Variants in AFDN observed in about 807,000 individuals in gnomAD.
AFDN encodes the protein afadin, adherens junction formation factor, also known as afadin.
Under a neutral mutation model 216.6 loss-of-function variants are expected in AFDN, and 68 were observed. That is an observed-to-expected ratio of 0.31 (90% CI 0.26 to 0.38). The LOEUF (loss-of-function observed/expected upper bound fraction) is 0.38, where lower values mean the gene tolerates loss of function less well. Ranked by LOEUF, AFDN falls within the 10% of genes least tolerant of loss-of-function variation. The pLI is 1.00. For missense variants in AFDN, 2,136 were observed against 2,342.0 expected (o/e 0.91, Z 1.82); for synonymous variants, 868 against 853.7 (o/e 1.02, Z -0.29).
At chr6:167,932,702 T>C (rs1226099589) in intron 23 of AFDN, 2 of 152,150 alleles carry the variant, frequency 1.3e-5, no homozygotes, top group Non-Finnish European at 2.9e-5. Flanking sequence ...GTTCATGAAG[T>C]TGTTGTGGTC....
intron 1 of AFDN, among the ~76,000 whole-genome samples, chr6:167,839,296 G>A (rs750246688): frequency 3.4e-4 from 51 of 151,784 alleles, no homozygotes; most frequent in Admixed American, 7.2e-4. Context: ...CAAACGTTTC[G>A]GAAATAGTTA....
chr6:167,827,483 G>A (rs1256450633), intron 1 of AFDN, among the ~76,000 whole-genome samples: 2 of 145,836 alleles, frequency 1.4e-5, no homozygotes, highest in African/African-American at 4.9e-5. Flanking sequence ...GGGCGCGGCA[G>A]TCACCTGTTC....
Position 167,951,941 on chromosome 6 carries a change from G to A in AFDN, c.4587G>A (p.Glu1529=). 1 of 1,614,158 alleles carries A rather than the reference G, an allele frequency of 6.2e-7. No individual in the cohort carries two copies. The change falls in exon 30 of 34, where the codon GAG becomes GAA. Residue 1529 remains glutamate, a synonymous_variant. Coordinates refer to ENST00000683244, the MANE Select transcript of AFDN (RefSeq NM_001386888.1). This position sits in a 1 kb window ranked among gnomAD's most constrained non-coding sequence, Gnocchi z 7.1. ...SPDPWKRDAK[E]KLEKQQQMHI... Reference sequence around the variant, plus strand: ...ACCCGTGGAAGCGGGACGCCAAGGAGAAGCTGGAGAAGCAGCAGCAGATGC... The same window carrying A: ...ACCCGTGGAAGCGGGACGCCAAGGAAAAGCTGGAGAAGCAGCAGCAGATGC...
At chr6:167,892,236 T>G (rs1787703479) in intron 8 of AFDN, among the ~76,000 whole-genome samples, 1 of 152,184 alleles carries the variant, frequency 6.6e-6, no homozygotes, top group African/African-American at 2.4e-5. Context: ...ATATTGGTGT[T>G]GCTAACCTCA....
chr6:167,951,609 AGAG>A lies in AFDN; in HGVS notation c.4256_4258del (p.Arg1419_Glu1420delinsLys). ...GGTGGCTGCTGCTGAACGGAGAAAG[AGAG>A]AAGAACATCAGCGTTGGTATGAGAA... is the stretch of plus-strand genomic sequence containing the variant. On this transcript the variant is annotated inframe_deletion, in exon 30 of 34. Coordinates refer to ENST00000683244, the MANE Select transcript of AFDN (RefSeq NM_001386888.1). This position sits in a 1 kb window ranked among gnomAD's most constrained non-coding sequence, Gnocchi z 7.1. 6.2e-7 allele frequency: 1 copy of A among 1,614,082 alleles called. No homozygotes were observed. Among genetic ancestry groups the A allele is most frequent in the Non-Finnish European group, 8.5e-7 (1 of 1,180,012 alleles).
rs753711058 is a variant in AFDN, at chr6:167,966,011, T to TGAG, written c.5241_5243dup (p.Glu1747dup). 2.0e-4 allele frequency: 311 copies of TGAG among 1,546,424 alleles called. No individual in the cohort carries two copies. The highest frequency in any genetic ancestry group is 6.1e-4 in the Admixed American group (31 of 50,818). On this transcript the variant is annotated inframe_insertion, in exon 32 of 34. Transcript: ENST00000683244. ...TCACTGCCAAGTTTGTTGCATACAA[T>TGAG]GAGGAGGAGGAGGAGGAGGACTGCA...
chr6:167,911,758 T>G (rs1397076214), intron 15 of AFDN: 1 of 428,150 alleles, frequency 2.3e-6, no homozygotes, highest in African/African-American at 2.0e-5. Context: ...TGTTGTGGGC[T>G]TTTGTAGAAT....
At chr6:167,849,891 G>T (rs748541829) in intron 1 of AFDN, among the ~76,000 whole-genome samples, 6 of 152,166 alleles carry the variant, frequency 3.9e-5, no homozygotes, top group African/African-American at 1.4e-4. Context: ...GGTTCCTTTT[G>T]TAAGTTACTA....
At chr6:167,884,523 TA>T (rs1358528324) in intron 6 of AFDN, among the ~76,000 whole-genome samples, 1 of 152,218 alleles carries the variant, frequency 6.6e-6, no homozygotes. Flanking sequence ...GTTAATCTTG[TA>T]CCTCTCCACC....
intron 12 of AFDN, among the ~76,000 whole-genome samples, chr6:167,906,044 A>G (rs138852026): frequency 0.01 from 1,544 of 152,286 alleles, 30 homozygotes; most frequent in African/African-American, 0.036. Context: ...CGGAGCTTGC[A>G]GTGAGCTGAG....
Position 167,851,386 on chromosome 6 carries a change from C to T in AFDN, c.106-13165C>T, listed in dbSNP as rs188837164. ...TTATTTTATCAACCAGGTATTAAGC[C>T]TAGTATCCATTAGATATTTTTTTCT... On this transcript the variant is annotated intron_variant, in intron 1 of 33. Transcript: ENST00000683244. 5.3e-4 allele frequency among the ~76,000 whole-genome samples: 80 copies of T among 152,222 alleles called. No individual in the cohort carries two copies. In the East Asian group the frequency reaches 0.014, roughly 27 times the overall value.
Position 167,918,786 on chromosome 6 carries a change from G to A in AFDN, c.2761G>A (p.Ala921Thr), listed in dbSNP as rs1268703042. Residue 921 changes from alanine to threonine, a missense_variant, in exon 21 of 34, where the codon GCC (alanine) becomes ACC (threonine). Coordinates refer to ENST00000683244, the MANE Select transcript of AFDN (RefSeq NM_001386888.1). ...TVAENTADEL[A>T]RSDGREVQLE... ...GGCTGAAAACACTGCCGATGAGCTGGCCCGCAGTGATGGAAGGGAAGTGCA... is the reference window on the plus strand; with the variant it reads ...GGCTGAAAACACTGCCGATGAGCTGACCCGCAGTGATGGAAGGGAAGTGCA... 4 of 1,613,840 alleles carry A rather than the reference G, an allele frequency of 2.5e-6. No homozygotes were observed. Among genetic ancestry groups the A allele is most frequent in the African/African-American group, 1.3e-5 (1 of 75,060 alleles).
chr6:167,914,209 A>G lies in AFDN; in HGVS notation c.2100A>G (p.Ala700=), dbSNP rs745719590. 3.1e-6 allele frequency: 5 copies of G among 1,614,196 alleles called. No homozygotes were observed. Among genetic ancestry groups the G allele is most frequent in the Middle Eastern group, 1.6e-4 (1 of 6,062 alleles). Residue 700 remains alanine, a synonymous_variant, in exon 17 of 34, where the codon GCA becomes GCG. Transcript: ENST00000683244. The part of the protein sequence containing the change: ...NIAGALAFWM[A]NASELLNFIK... ...CAGGGGCACTTGCCTTCTGGATGGC[A>G]AATGCATCTGAACTTCTCAACTTCA...
chr6:167,957,202 G>T (rs1281139420), intron 30 of AFDN, among the ~76,000 whole-genome samples: 7 of 151,946 alleles, frequency 4.6e-5, no homozygotes, highest in Non-Finnish European at 1.0e-4. Context: ...ATATGGGGGG[G>T]GCCCACCTGC....
At chr6:167,948,938 C>A (rs558030935) in intron 29 of AFDN, among the ~76,000 whole-genome samples, 2 of 152,108 alleles carry the variant, frequency 1.3e-5, no homozygotes, top group Non-Finnish European at 2.9e-5. Context: ...GCTGTATGCA[C>A]GGAAGGGCCT....
At chr6:167,925,128 G>A in intron 23 of AFDN, 37 bp downstream of exon 23, 2 of 1,437,848 alleles carry the variant, frequency 1.4e-6, no homozygotes. Flanking sequence ...GTTCTCTCCA[G>A]TCTTTCGGCA....
intron 17 of AFDN, 110 bp from the exon 18 acceptor site, chr6:167,914,534 T>A: frequency 1.1e-6 from 1 of 939,662 alleles, no homozygotes; most frequent in South Asian, 1.7e-5. Flanking sequence ...CACATTTTTT[T>A]TTTAATGGAA....
intron 26 of AFDN, 85 bp downstream of exon 26, chr6:167,944,144 G>A: frequency 9.7e-7 from 1 of 1,027,618 alleles, no homozygotes; most frequent in South Asian, 1.4e-5. Context: ...AGGTACTGGT[G>A]TTACTATCGC....
At chr6:167,921,787 T>C (rs1791844409) in intron 21 of AFDN, among the ~76,000 whole-genome samples, 1 of 151,584 alleles carries the variant, frequency 6.6e-6, no homozygotes, top group Non-Finnish European at 1.5e-5. Context: ...TGAATCTGAA[T>C]TGAAATAGTG....
Sources: gnomAD v4.1 joint callset for allele counts (sites outside exome capture counted in the v4.1 genomes callset) on GRCh38, gnomAD v4.1.1 for gene constraint, Gnocchi (gnomAD v3.1) non-coding constraint, MANE v1.5 for transcripts, NCBI Gene and HGNC (gene_info 2026-07-23, HGNC 2026-07-21) for gene names.